Variants in CNOT1 observed in about 807,000 individuals in gnomAD.
The protein encoded by CNOT1 is CCR4-NOT transcription complex subunit 1, also known as CCR4-associated factor 1.
Under a neutral mutation model 273.8 loss-of-function variants are expected in CNOT1, and 15 were observed. The ratio of observed to expected loss-of-function variants is 0.05; its 90% confidence interval spans 0.04 to 0.08. The LOEUF is 0.08. CNOT1 is among the 10% of genes least tolerant of loss of function. CNOT1 has a pLI of 1.00. For missense variants in CNOT1, 1,644 were observed against 2,912.2 expected (o/e 0.56, Z 10.02); for synonymous variants, 1,022 against 1,005.5 (o/e 1.02, Z -0.31).
chr16:58,577,669 T>C (rs766584735), intron 13 of CNOT1, among the ~76,000 whole-genome samples: 1 of 152,020 alleles, frequency 6.6e-6, no homozygotes, highest in Non-Finnish European at 1.5e-5. Context: ...CAAGACTCTG[T>C]CTCTACAAAA....
Position 58,613,586 on chromosome 16 carries a change from A to G in CNOT1, c.-174-14075T>C, listed in dbSNP as rs1183737092. On this transcript the variant is annotated intron_variant, in intron 1 of 48. Transcript: ENST00000317147. Reference sequence around the variant, plus strand: ...AAGCCTAAATATCCATCAAAAGGGCACTGATTAAGTAAATCATAAAGTGGC... The same window carrying G: ...AAGCCTAAATATCCATCAAAAGGGCGCTGATTAAGTAAATCATAAAGTGGC... 2.4e-5 allele frequency among the ~76,000 whole-genome samples: 3 copies of G among 123,990 alleles called. 1 individual carries two copies. Among genetic ancestry groups the G allele is most frequent in the Non-Finnish European group, 5.7e-5 (3 of 52,310 alleles). 81.3% of individuals were successfully genotyped at this position (123,990 alleles called of 152,430 possible).
intron 1 of CNOT1, among the ~76,000 whole-genome samples, chr16:58,600,585 AGGTAGTTT>A (rs1399464481): frequency 6.6e-6 from 1 of 152,144 alleles, no homozygotes; most frequent in Non-Finnish European, 1.5e-5. Context: ...CTTCAGAATC[AGGTAGTTT>A]GGTCTTATAC....
chr16:58,533,733 G>C (rs2039844739), intron 40 of CNOT1, among the ~76,000 whole-genome samples: 1 of 152,236 alleles, frequency 6.6e-6, no homozygotes, highest in Non-Finnish European at 1.5e-5. Context: ...GCTGAGGTAG[G>C]AGAACGGTGT....
intron 1 of CNOT1, among the ~76,000 whole-genome samples, chr16:58,629,238 A>T (rs2043718473): frequency 6.6e-6 from 1 of 152,194 alleles, no homozygotes; most frequent in Non-Finnish European, 1.5e-5. Flanking sequence ...GAAGAACTGG[A>T]AACATGCAAA....
intron 8 of CNOT1, among the ~76,000 whole-genome samples, chr16:58,583,505 CT>C (rs2041722303): frequency 6.6e-6 from 1 of 152,212 alleles, no homozygotes; most frequent in Non-Finnish European, 1.5e-5. Flanking sequence ...CCCAAACCCC[CT>C]GCCATGGACT....
chr16:58,603,425 G>A (rs1186343505), intron 1 of CNOT1, among the ~76,000 whole-genome samples: 13 of 142,490 alleles, frequency 9.1e-5, no homozygotes, highest in Admixed American at 5.5e-4. Context: ...GTGTGTGTGT[G>A]TGTGTGTGTG....
chr16:58,620,335 A>G (rs567108891), intron 1 of CNOT1, among the ~76,000 whole-genome samples: 4 of 152,120 alleles, frequency 2.6e-5, no homozygotes, highest in Non-Finnish European at 5.9e-5. Flanking sequence ...TAGAGATGAC[A>G]TTCCAGATGT....
chr16:58,528,762 C>T, intron 43 of CNOT1, 114 bp from the exon 44 acceptor site: 2 of 620,266 alleles, frequency 3.2e-6, no homozygotes, highest in Non-Finnish European at 2.7e-6. Flanking sequence ...ACTTTAGTAA[C>T]ATTTCTTAAA....
Position 58,575,057 on chromosome 16 carries a change from C to G in CNOT1, c.1777G>C (p.Glu593Gln). 6.2e-7 allele frequency: 1 copy of G among 1,614,108 alleles called. No individual in the cohort carries two copies. Among genetic ancestry groups the G allele is most frequent in the Non-Finnish European group, 8.5e-7 (1 of 1,180,024 alleles). ...IDLAALASRR[E>Q]YLKLDKWLTD... ...AGCCACTTATCAAGTTTGAGGTATT[C>G]ACGACGTGAAGCAAGTGCAGCAAGG... Residue 593 changes from glutamate to glutamine, a missense_variant, in exon 15 of 49, where the codon GAA (glutamate) becomes CAA (glutamine). Transcript: ENST00000317147.
intron 2 of CNOT1, 120 bp downstream of exon 2, chr16:58,599,116 T>C: frequency 7.8e-7 from 1 of 1,278,894 alleles, no homozygotes; most frequent in Non-Finnish European, 1.1e-6. Flanking sequence ...CAGAAATCAC[T>C]TGAATTAAGG....
intron 35 of CNOT1, among the ~76,000 whole-genome samples, chr16:58,539,544 AT>A (rs1490328476): frequency 1.3e-5 from 2 of 151,328 alleles, no homozygotes; most frequent in Admixed American, 6.6e-5. Flanking sequence ...TTCAAATCAC[AT>A]TTCCAGAATA....
intron 1 of CNOT1, among the ~76,000 whole-genome samples, chr16:58,629,226 GAGA>G (rs767869372): frequency 1.3e-5 from 2 of 152,252 alleles, no homozygotes; most frequent in African/African-American, 4.8e-5. Flanking sequence ...CGAGTACACG[GAGA>G]AGAACTGGAA....
At chr16:58,591,749 C>T (rs551349171) in intron 2 of CNOT1, among the ~76,000 whole-genome samples, 5 of 150,206 alleles carry the variant, frequency 3.3e-5, no homozygotes, top group South Asian at 2.1e-4. Context: ...AGCAAAACTC[C>T]GTCTCGAAAA....
chr16:58,582,576 T>C (rs899536186), intron 10 of CNOT1, among the ~76,000 whole-genome samples: 46 of 152,202 alleles, frequency 3.0e-4, no homozygotes. Flanking sequence ...TTATCCACCA[T>C]AAACAAGAGT....
intron 13 of CNOT1, 27 bp from the exon 14 acceptor site, chr16:58,576,609 G>T: frequency 6.2e-7 from 1 of 1,613,530 alleles, no homozygotes. Context: ...AGATTAAATA[G>T]CAATACTGCT....
chr16:58,551,466 A>C, intron 23 of CNOT1, 123 bp downstream of exon 23: 1 of 1,256,628 alleles, frequency 8.0e-7, no homozygotes, highest in South Asian at 1.4e-5. Context: ...AAAGGAAGAC[A>C]TGTCAGTCTT....
Position 58,545,452 on chromosome 16 carries a change from G to A in CNOT1, c.4046C>T (p.Ala1349Val). 2 of 1,614,126 alleles carry A rather than the reference G, an allele frequency of 1.2e-6. No individual in the cohort carries two copies. Among genetic ancestry groups the A allele is most frequent in the Non-Finnish European group, 1.7e-6 (2 of 1,179,962 alleles). ...GTACTGTGGCTGTGGTGGAACCGTG[G>A]CTGTACAAGTGGTGTTGGTAGCTGG... ...TTPATNTTCTATVPPQPQYSY... is the reference protein window; with the variant it reads ...TTPATNTTCTVTVPPQPQYSY... Residue 1349 changes from alanine to valine, a missense_variant, in exon 30 of 49, where the codon GCC becomes GTC. Physicochemically the swap from Ala to Val is moderately conservative, Grantham distance 64. Transcript: ENST00000317147.
At chr16:58,604,219 A>G (rs2042581241) in intron 1 of CNOT1, among the ~76,000 whole-genome samples, 1 of 152,202 alleles carries the variant, frequency 6.6e-6, no homozygotes. Flanking sequence ...AGTTTGGGTC[A>G]CCATGTCATT....
intron 1 of CNOT1, among the ~76,000 whole-genome samples, chr16:58,622,938 C>T (rs998443428): frequency 1.3e-5 from 2 of 152,038 alleles, no homozygotes; most frequent in African/African-American, 4.8e-5. Flanking sequence ...TGGCTCACGC[C>T]TGAAATCCCA....
Sources: allele counts gnomAD v4.1 joint callset (sites outside exome capture counted in the v4.1 genomes callset), GRCh38; gene constraint gnomAD v4.1.1; transcripts MANE v1.5; gene names NCBI Gene and HGNC (gene_info 2026-07-23, HGNC 2026-07-21).